Variants in UHRF2 observed in about 807,000 individuals in gnomAD.
The protein encoded by UHRF2 is ubiquitin like with PHD and ring finger domains 2.
A neutral mutation model predicts 96.8 loss-of-function variants in UHRF2; 23 were observed. The ratio of observed to expected loss-of-function variants is 0.24; its 90% CI spans 0.17 to 0.34. UHRF2 has a LOEUF of 0.34. UHRF2 is among the 10% of genes least tolerant of loss of function. The pLI is 1.00. For synonymous variants in UHRF2, 385 were observed against 332.6 expected (o/e 1.16, Z -1.72); for missense variants, 685 against 981.5 (o/e 0.70, Z 4.04).
chr9:6,462,763 A>C (rs1416471539), intron 4 of UHRF2, among the ~76,000 whole-genome samples: 1 of 152,074 alleles, frequency 6.6e-6, no homozygotes, highest in Non-Finnish European at 1.5e-5. Flanking sequence ...CTAAAAATAC[A>C]AAAATTAGCT....
At chr9:6,497,069 T>A (rs1825014047) in intron 10 of UHRF2, 129 bp from the exon 11 acceptor site, 2 of 863,912 alleles carry the variant, frequency 2.3e-6, no homozygotes, top group Non-Finnish European at 1.7e-6. Context: ...TTATCTGGAA[T>A]AATATGGAAA....
At chr9:6,428,772 C>G (rs888152173) in intron 2 of UHRF2, among the ~76,000 whole-genome samples, 2 of 152,018 alleles carry the variant, frequency 1.3e-5, no homozygotes, top group African/African-American at 2.4e-5. Context: ...TGGTCTTGAA[C>G]TCCTGGGTTC....
At chr9:6,432,453 G>C (rs1820609738) in intron 2 of UHRF2, among the ~76,000 whole-genome samples, 1 of 152,028 alleles carries the variant, frequency 6.6e-6, no homozygotes, top group African/African-American at 2.4e-5. Flanking sequence ...TTATATCAAG[G>C]TTCATGGTAT....
chr9:6,448,138 G>C (rs553556111), intron 3 of UHRF2, among the ~76,000 whole-genome samples: 1 of 152,164 alleles, frequency 6.6e-6, no homozygotes, highest in African/African-American at 2.4e-5. Context: ...ATTGGAATTT[G>C]ACAGAGGCTC....
intron 3 of UHRF2, among the ~76,000 whole-genome samples, chr9:6,450,345 T>C (rs1821784441): frequency 7.2e-6 from 1 of 138,518 alleles, no homozygotes; most frequent in Non-Finnish European, 1.6e-5. Flanking sequence ...GTCATTTGTC[T>C]TGTACAATTT....
chr9:6,484,485 A>C (rs1824138583), intron 8 of UHRF2: 1 of 138,298 alleles, frequency 7.2e-6, no homozygotes, highest in Non-Finnish European at 1.5e-5. Flanking sequence ...CCATAATCAC[A>C]GTCCCCTCCT....
intron 8 of UHRF2, among the ~76,000 whole-genome samples, chr9:6,482,310 T>A (rs1823973570): frequency 6.6e-6 from 1 of 152,182 alleles, no homozygotes; most frequent in Admixed American, 6.5e-5. Flanking sequence ...CATCACTTTG[T>A]TTTTACTGTT....
At chr9:6,467,527 C>T (rs566677740) in intron 4 of UHRF2, among the ~76,000 whole-genome samples, 3 of 150,840 alleles carry the variant, frequency 2.0e-5, no homozygotes, top group Admixed American at 2.0e-4. Context: ...TGTTGTGTGC[C>T]AGGCCTTGTT....
intron 4 of UHRF2, among the ~76,000 whole-genome samples, chr9:6,464,774 A>G (rs938937319): frequency 2.0e-5 from 3 of 151,898 alleles, no homozygotes; most frequent in Admixed American, 6.6e-5. Flanking sequence ...TTTTTTGTGT[A>G]TCTTTGTATC....
intron 3 of UHRF2, among the ~76,000 whole-genome samples, chr9:6,445,358 G>A (rs1337510021): frequency 6.6e-6 from 1 of 152,030 alleles, no homozygotes; most frequent in Admixed American, 6.6e-5. Flanking sequence ...CCACCTCCCA[G>A]GTTCAAGCGA....
At chr9:6,467,074 A>G (rs1822909935) in intron 4 of UHRF2, among the ~76,000 whole-genome samples, 1 of 152,264 alleles carries the variant, frequency 6.6e-6, no homozygotes, top group South Asian at 2.1e-4. Flanking sequence ...AATAAAGCAT[A>G]GTACAGTTTG....
At chr9:6,469,890 AAAGATAC>A (rs1823135782) in intron 4 of UHRF2, among the ~76,000 whole-genome samples, 1 of 152,044 alleles carries the variant, frequency 6.6e-6, no homozygotes, top group Non-Finnish European at 1.5e-5. Context: ...AAAACTGATT[AAAGATAC>A]AAGTTCAGGT....
In UHRF2 at chr9:6,460,739, T is replaced by A; in HGVS notation, c.811T>A (p.Leu271Met). Residue 271 changes from leucine to methionine, a missense_variant, in exon 4 of 16, where the codon TTG (leucine) becomes ATG (methionine). Transcript: ENST00000276893. ...CTGGTTTGATGCAGAAATTACCACATTGAAGACAATCTCAAGGACCAAAAA... is the reference window on the plus strand; with the variant it reads ...CTGGTTTGATGCAGAAATTACCACAATGAAGACAATCTCAAGGACCAAAAA... ...GFWFDAEITTLKTISRTKKEL... is the reference protein window; with the variant it reads ...GFWFDAEITTMKTISRTKKEL... 6.2e-7 allele frequency: 1 copy of A among 1,613,914 alleles called. No homozygotes were observed. Among genetic ancestry groups the A allele is most frequent in the Non-Finnish European group, 8.5e-7 (1 of 1,179,946 alleles).
At position 6,506,214 on chromosome 9, in the gene UHRF2, T is replaced by A. The variant is rs1297767434; in HGVS notation, c.*35T>A. 1 of 1,609,230 alleles carries A rather than the reference T, an allele frequency of 6.2e-7. No homozygotes were observed. Among genetic ancestry groups the A allele is most frequent in the African/African-American group, 1.3e-5 (1 of 74,866 alleles). On this transcript the variant is annotated 3_prime_UTR_variant, in exon 16 of 16. Transcript: ENST00000276893. ...TTTCACTGTGTTGTTCATGGTGGCT[T>A]TTTGGACAATAAAGAATCTAAAATG...
chr9:6,471,121 T>C lies in UHRF2; in HGVS notation c.864-4270T>C, dbSNP rs556493141. Among the ~76,000 whole-genome samples the C allele has an allele frequency of 5.9e-5, 9 of 152,342 alleles. No individual in the cohort carries two copies. The East Asian group carries it at 1.7e-3, about 29-fold the overall frequency. On this transcript the variant is annotated intron_variant, in intron 4 of 15. Coordinates refer to ENST00000276893, the MANE Select transcript of UHRF2 (RefSeq NM_152896.3). The stretch of plus-strand genomic sequence containing the variant: ...ACTTTTCAAATCCCCTTAAATGTCC[T>C]GGTAATATAGAGCAAAATATTACTA...
chr9:6,486,816 T>C lies in UHRF2; in HGVS notation c.1393-5T>C, dbSNP rs757529046. 1 of 1,613,908 alleles carries C rather than the reference T, an allele frequency of 6.2e-7. No individual in the cohort carries two copies. The highest frequency in any genetic ancestry group is 1.1e-5 in the South Asian group (1 of 91,048). ...ATTTTGAGACTCTCTTTAATTGTTT[T>C]ATAGGTGAGCGAAGCAGGTGTTCAC... On this transcript the variant is annotated splice_polypyrimidine_tract_variant and splice_region_variant and intron_variant, in intron 8 of 15. Coordinates refer to ENST00000276893, the MANE Select transcript of UHRF2 (RefSeq NM_152896.3).
intron 4 of UHRF2, among the ~76,000 whole-genome samples, chr9:6,465,755 G>A (rs1414552689): frequency 1.3e-5 from 2 of 152,162 alleles, no homozygotes; most frequent in Admixed American, 1.3e-4. Context: ...TGCAAAGGAA[G>A]AAGCAAATAG....
At chr9:6,437,648 T>G (rs1404543287) in intron 3 of UHRF2, among the ~76,000 whole-genome samples, 8 of 151,802 alleles carry the variant, frequency 5.3e-5, no homozygotes, top group Non-Finnish European at 1.2e-4. Context: ...GACAGAGTCT[T>G]GCACTGTGGC....
chr9:6,422,960 A>G (rs1820018549), intron 2 of UHRF2: 1 of 295,644 alleles, frequency 3.4e-6, no homozygotes. Context: ...TTTCAAATCT[A>G]ATAAATTGTG....
Sources: gnomAD v4.1 joint callset for allele counts (sites outside exome capture counted in the v4.1 genomes callset) on GRCh38, gnomAD v4.1.1 for gene constraint, MANE v1.5 for transcripts, NCBI Gene and HGNC (gene_info 2026-07-23, HGNC 2026-07-21) for gene names.